CD302: variants seen among roughly 807,000 people sequenced by gnomAD.
The protein encoded by CD302 is CD302 antigen.
In CD302, 23 loss-of-function variants were observed where a neutral mutation model predicts 26.5. That is an observed-to-expected ratio of 0.87 (90% CI 0.62 to 1.23). The LOEUF is 1.23. CD302 is among the 50% of genes most tolerant of loss of function. The pLI is 0.00. For synonymous variants in CD302, 90 were observed against 99.4 expected, an observed-to-expected ratio of 0.91 and a Z score of 0.56; for missense variants, 290 against 275.5, an observed-to-expected ratio of 1.05 and a Z score of -0.37.
At chr2:159,775,877 A>G (rs141903377) in intron 5 of CD302, among the ~76,000 whole-genome samples, 133 of 143,526 alleles carry the variant, frequency 9.3e-4, no homozygotes, top group African/African-American at 3.4e-3. Flanking sequence ...GCCTTTTATG[A>G]CTGGCTTATT....
intron 1 of CD302, among the ~76,000 whole-genome samples, chr2:159,795,727 G>C (rs554345042): frequency 4.1e-4 from 62 of 152,342 alleles, no homozygotes; most frequent in Non-Finnish European, 6.9e-4. Flanking sequence ...TGTTTACTCT[G>C]TGGATACACA....
intron 1 of CD302, among the ~76,000 whole-genome samples, chr2:159,788,422 C>T (rs1328562103): frequency 6.6e-6 from 1 of 152,168 alleles, no homozygotes; most frequent in Non-Finnish European, 1.5e-5. Context: ...CAATAGGCTC[C>T]AGCACGTGGC....
intron 1 of CD302, among the ~76,000 whole-genome samples, chr2:159,794,807 C>T (rs1029150507): frequency 6.6e-6 from 1 of 151,394 alleles, no homozygotes; most frequent in East Asian, 2.0e-4. Context: ...CTCGGCCTCC[C>T]AAAGTGCTGG....
chr2:159,773,456 A>G (rs986367242), intron 5 of CD302, among the ~76,000 whole-genome samples: 25 of 152,242 alleles, frequency 1.6e-4, no homozygotes, highest in Non-Finnish European at 8.8e-5. Context: ...TTAAATAGGA[A>G]TTACATGATA....
At chr2:159,797,930 C>T (rs1682512977) in intron 1 of CD302, among the ~76,000 whole-genome samples, 1 of 152,228 alleles carries the variant, frequency 6.6e-6, no homozygotes, top group Non-Finnish European at 1.5e-5. Context: ...TCTCGGCCAC[C>T]TCCCCTCCCC....
Position 159,769,976 on chromosome 2 carries a change from A to C in CD302, c.*1875T>G, listed in dbSNP as rs935444335. ...GATTTTAAACTAAATTTACTTAAAT[A>C]GCCTCATGTGGCTAGTGGCTCATTG... is the stretch of plus-strand genomic sequence containing the variant. On this transcript the variant is annotated 3_prime_UTR_variant, in exon 6 of 6. Transcript: ENST00000259053. 6.6e-6 allele frequency: 1 copy of C among 152,232 alleles called. No individual in the cohort carries two copies. Among genetic ancestry groups the C allele is most frequent in the Non-Finnish European group, 1.5e-5 (1 of 68,044 alleles). The allele number at this position is 152,232 out of a possible 1,614,324, so 9.4% of individuals were successfully genotyped here.
At chr2:159,780,224 AGTTC>A in intron 3 of CD302, 46 bp from the exon 4 acceptor site, 3 of 1,595,392 alleles carry the variant, frequency 1.9e-6, no homozygotes, top group Admixed American at 1.7e-5. Context: ...TTTTAAAAGG[AGTTC>A]AAGCCAAAAA....
At chr2:159,773,257 G>A (rs1553790647) in intron 5 of CD302, among the ~76,000 whole-genome samples, 1 of 152,128 alleles carries the variant, frequency 6.6e-6, no homozygotes, top group Non-Finnish European at 1.5e-5. Context: ...CAAGTGATCT[G>A]CCCCCCTCGG....
rs895735361 is a variant in CD302, at chr2:159,768,843, C to T, written c.*3008G>A. 25 of 152,088 alleles carry T rather than the reference C, an allele frequency of 1.6e-4. No homozygotes were observed. The highest frequency in any genetic ancestry group is 5.3e-4 in the African/African-American group (22 of 41,408). The allele number at this position is 152,088 out of a possible 1,614,324, so 9.4% of individuals were successfully genotyped here. A position where few individuals can be genotyped will look rare whatever the true frequency, so the allele number is the denominator to read the frequency against. ...ATACTTTTAATAAAATTCAGTATGA[C>T]AGTTGTCTTCTGCTTAACCCATAAA... On this transcript the variant is annotated 3_prime_UTR_variant, in exon 6 of 6. Transcript: ENST00000259053.
At chr2:159,780,208 T>G (rs1311667067) in intron 3 of CD302, 30 bp from the exon 4 acceptor site, 2 of 1,608,652 alleles carry the variant, frequency 1.2e-6, no homozygotes, top group South Asian at 2.2e-5. Context: ...TTCAACATTA[T>G]GACAGTTTTA....
At chr2:159,788,014 G>A (rs952235255) in intron 1 of CD302, among the ~76,000 whole-genome samples, 3 of 152,146 alleles carry the variant, frequency 2.0e-5, no homozygotes, top group African/African-American at 7.2e-5. Flanking sequence ...GCCTGAGGCA[G>A]GAGAATCACT....
At chr2:159,797,763 C>G (rs1464268583) in intron 1 of CD302, among the ~76,000 whole-genome samples, 1 of 152,228 alleles carries the variant, frequency 6.6e-6, no homozygotes, top group Non-Finnish European at 1.5e-5. Flanking sequence ...GTCCCCGCTT[C>G]TCATTTCAGC....
In CD302 at chr2:159,771,683, TA is replaced by T. The variant is rs1708149913; in HGVS notation, c.*167del. ...AGATCATTTCTAAAACCTGTTTTTTTAATGAACCTAAAGACTTTTCACAGCA... is the reference window on the plus strand; with the variant it reads ...AGATCATTTCTAAAACCTGTTTTTTTATGAACCTAAAGACTTTTCACAGCA... On this transcript the variant is annotated 3_prime_UTR_variant, in exon 6 of 6. Transcript: ENST00000259053. The T allele has an allele frequency of 3.9e-6, 3 of 770,080 alleles. No homozygotes were observed. The highest frequency in any genetic ancestry group is 5.7e-5 in the East Asian group (2 of 35,162). The allele number at this position is 770,080 out of a possible 1,614,324, so 47.7% of individuals were successfully genotyped here.
chr2:159,797,167 G>C (rs1682456852), intron 1 of CD302, among the ~76,000 whole-genome samples: 1 of 135,284 alleles, frequency 7.4e-6, no homozygotes, highest in South Asian at 2.5e-4. Context: ...ATTCCTGTCA[G>C]TAGACTTCGA....
At chr2:159,789,638 A>G (rs1471341354) in intron 1 of CD302, among the ~76,000 whole-genome samples, 1 of 151,784 alleles carries the variant, frequency 6.6e-6, no homozygotes, top group Non-Finnish European at 1.5e-5. Flanking sequence ...ACTCTAAATG[A>G]TGTTATCTTC....
At chr2:159,786,410 T>C (rs929170127) in intron 1 of CD302, among the ~76,000 whole-genome samples, 6 of 149,926 alleles carry the variant, frequency 4.0e-5, no homozygotes, top group African/African-American at 1.5e-4. Context: ...CTCAGCTCAA[T>C]GCAACCTCTG....
At chr2:159,772,938 A>ACTAT (rs760867565) in intron 5 of CD302, among the ~76,000 whole-genome samples, 8 of 152,286 alleles carry the variant, frequency 5.3e-5, no homozygotes, top group African/African-American at 1.4e-4. Context: ...CCCCAAGTGA[A>ACTAT]CTATCTTTTT....
intron 4 of CD302, among the ~76,000 whole-genome samples, chr2:159,778,696 T>C (rs1309877672): frequency 1.3e-5 from 2 of 152,122 alleles, no homozygotes; most frequent in East Asian, 3.8e-4. Context: ...TTTGAAACAT[T>C]AAAAAAACTA....
chr2:159,772,141 T>TA, intron 5 of CD302, 88 bp from the exon 6 acceptor site: 9 of 1,414,060 alleles, frequency 6.4e-6, no homozygotes, highest in Non-Finnish European at 7.7e-6. Context: ...TAGTTTTGTG[T>TA]AAACATTTCT....
Sources: allele counts gnomAD v4.1 joint callset (sites outside exome capture counted in the v4.1 genomes callset), GRCh38; gene constraint gnomAD v4.1.1; transcripts MANE v1.5; gene names NCBI Gene and HGNC (gene_info 2026-07-23, HGNC 2026-07-21).